Variants in SC5D observed in about 807,000 individuals in gnomAD.
SC5D encodes sterol-C5-desaturase.
Under a neutral mutation model 23.9 loss-of-function variants are expected in SC5D, and 21 were observed. The observed-to-expected ratio is 0.88, with a 90% CI of 0.62 to 1.26. The LOEUF is 1.26. Ranked by LOEUF, SC5D falls within the 50% of genes most tolerant of loss-of-function variation. The pLI is 0.00. For synonymous variants in SC5D, 113 were observed against 125.9 expected, an observed-to-expected ratio of 0.90 and a Z score of 0.68; for missense variants, 309 against 364.8, an observed-to-expected ratio of 0.85 and a Z score of 1.25.
intron 1 of SC5D, among the ~76,000 whole-genome samples, chr11:121,295,665 A>C (rs939496727): frequency 1.3e-5 from 2 of 152,168 alleles, no homozygotes; most frequent in African/African-American, 4.8e-5. Flanking sequence ...TCCCAGCCTG[A>C]CTTTTCTCTT....
Position 121,311,212 on chromosome 11 carries a change from C to T in SC5D, c.*3700C>T, listed in dbSNP as rs1948007675. The stretch of plus-strand genomic sequence containing the variant: ...TTTGTTGAATTTATTAATAAAATGG[C>T]AGAAATGTCATTCTCTTCCATATAT... On this transcript the variant is annotated 3_prime_UTR_variant, in exon 5 of 5. Coordinates refer to ENST00000264027, the MANE Select transcript of SC5D (RefSeq NM_006918.5). 6.6e-6 allele frequency among the ~76,000 whole-genome samples: 1 copy of T among 152,190 alleles called. No individual in the cohort carries two copies. Among genetic ancestry groups the T allele is most frequent in the South Asian group, 2.1e-4 (1 of 4,828 alleles).
chr11:121,306,174 C>T (rs1947962525), intron 3 of SC5D: 2 of 543,070 alleles, frequency 3.7e-6, no homozygotes, highest in Admixed American at 3.1e-5. Flanking sequence ...TTAGGTAGAA[C>T]ATTTCAAGTA....
chr11:121,297,799 A>G (rs1947899782), intron 1 of SC5D, among the ~76,000 whole-genome samples: 1 of 152,228 alleles, frequency 6.6e-6, no homozygotes, highest in African/African-American at 2.4e-5. Context: ...GATGATGGAA[A>G]AAGCTGGCAT....
At chr11:121,304,559 C>A (rs1291020768) in intron 3 of SC5D, 66 bp downstream of exon 3, 6 of 1,353,562 alleles carry the variant, frequency 4.4e-6, no homozygotes, top group Non-Finnish European at 5.2e-6. Context: ...CTTAAAAAAA[C>A]AAGTCTGCCC....
intron 3 of SC5D, chr11:121,306,180 A>C: frequency 1.8e-6 from 1 of 554,584 alleles, no homozygotes; most frequent in East Asian, 3.2e-5. Context: ...AGAACATTTC[A>C]AGTACTTATG....
chr11:121,310,385 A>G lies in SC5D; in HGVS notation c.*2873A>G, dbSNP rs186742359. 9.5e-4 allele frequency among the ~76,000 whole-genome samples: 144 copies of G among 151,756 alleles called. No homozygotes were observed. The Middle Eastern group carries it at 0.021, about 22-fold the overall frequency. ...GGGGCCTTGAGGAAGTGATTAAGTC[A>G]TGAGGGCTCTGGGATTAATGACTTA... On this transcript the variant is annotated 3_prime_UTR_variant, in exon 5 of 5. Coordinates refer to ENST00000264027, the MANE Select transcript of SC5D (RefSeq NM_006918.5).
intron 1 of SC5D, among the ~76,000 whole-genome samples, chr11:121,299,440 G>T (rs969246383): frequency 3.9e-5 from 6 of 152,148 alleles, no homozygotes; most frequent in African/African-American, 1.2e-4. Flanking sequence ...TTTAAAAAGA[G>T]AATACATTGT....
Position 121,303,512 on chromosome 11 carries a change from A to T in SC5D, c.137A>T (p.Tyr46Phe). 1 of 1,613,862 alleles carries T rather than the reference A, an allele frequency of 6.2e-7. No individual in the cohort carries two copies. The highest frequency in any genetic ancestry group is 8.5e-7 in the Non-Finnish European group (1 of 1,179,888). Residue 46 changes from tyrosine (Y) to phenylalanine (F), a missense_variant, in exon 2 of 5, where the codon TAT (tyrosine) becomes TTT (phenylalanine). Coordinates refer to ENST00000264027, the MANE Select transcript of SC5D (RefSeq NM_006918.5). ...IVTNVGAYIL[Y>F]FFCATLSYYF... is the part of the protein sequence containing the mutation. The stretch of plus-strand genomic sequence containing the variant: ...ACAAATGTTGGTGCTTACATCCTTT[A>T]TTTCTTCTGTGCAACACTGAGCTAT...
chr11:121,306,769 G>A, intron 4 of SC5D: 1 of 616,202 alleles, frequency 1.6e-6, no homozygotes, highest in South Asian at 1.9e-5. Flanking sequence ...AGGAGTGAGG[G>A]ATGAGACGCT....
intron 1 of SC5D, among the ~76,000 whole-genome samples, chr11:121,302,087 G>A (rs1947930064): frequency 6.6e-6 from 1 of 152,198 alleles, no homozygotes; most frequent in Admixed American, 6.5e-5. Flanking sequence ...TTAAATCCCT[G>A]TGGGAATTTA....
At position 121,311,784 on chromosome 11, in the gene SC5D, T is replaced by G. The variant is rs1948012700; in HGVS notation, c.*4272T>G. 6.6e-6 allele frequency among the ~76,000 whole-genome samples: 1 copy of G among 152,262 alleles called. No homozygotes were observed. On this transcript the variant is annotated 3_prime_UTR_variant, in exon 5 of 5. Coordinates refer to ENST00000264027, the MANE Select transcript of SC5D (RefSeq NM_006918.5). ...AATAAGTTAGAAGCATTCAGTTAAA[T>G]GTCAACTGAAACTATTGTTCATGTA...
rs1251510225 is a variant in SC5D at position 121,309,307 on chromosome 11, TG to T, written c.*1798del. 6.6e-6 allele frequency among the ~76,000 whole-genome samples: 1 copy of T among 152,222 alleles called. No individual in the cohort carries two copies. The highest frequency in any genetic ancestry group is 1.5e-5 in the Non-Finnish European group (1 of 68,040). On this transcript the variant is annotated 3_prime_UTR_variant, in exon 5 of 5. Coordinates refer to ENST00000264027, the MANE Select transcript of SC5D (RefSeq NM_006918.5). ...GAAAAGTCTGTGTGGAAAATGTTTC[TG>T]GGTCAGGCCTGGAAGTGGTGCATAT...
intron 3 of SC5D, chr11:121,305,689 C>T (rs7930204): frequency 0.51 from 75,938 of 149,616 alleles, 19,711 homozygotes; most frequent in Non-Finnish European, 0.57. Context: ...CCAGCCTGGG[C>T]GACAGAGCGA....
intron 2 of SC5D, chr11:121,304,057 AG>A: frequency 3.0e-6 from 1 of 330,484 alleles, no homozygotes; most frequent in Non-Finnish European, 5.7e-6. Flanking sequence ...AAAAATAGAG[AG>A]GATTGGGGAT....
At chr11:121,299,514 T>G (rs1947912112) in intron 1 of SC5D, among the ~76,000 whole-genome samples, 1 of 152,266 alleles carries the variant, frequency 6.6e-6, no homozygotes, top group Non-Finnish European at 1.5e-5. Flanking sequence ...TTACATAAAT[T>G]GTTAATATAC....
At position 121,304,394 on chromosome 11, in the gene SC5D, C is replaced by T; in HGVS notation, c.244C>T (p.Gln82Ter). ...CCGTCGAGAGATTAAGTTTACTGTC[C>T]AGGCATTGCCATGGATAAGTATTCT... ...QVRREIKFTV[Q>*]ALPWISILTV... Residue 82 changes from glutamine (Q) to a stop codon, truncating the protein, a stop_gained, in exon 3 of 5, where the codon CAG becomes TAG. Coordinates refer to ENST00000264027, the MANE Select transcript of SC5D (RefSeq NM_006918.5). LOFTEE classifies it high-confidence loss of function. 3.7e-6 allele frequency: 6 copies of T among 1,613,010 alleles called. No individual in the cohort carries two copies. Among genetic ancestry groups the T allele is most frequent in the Non-Finnish European group, 4.2e-6 (5 of 1,179,152 alleles).
chr11:121,301,041 A>C (rs546531953), intron 1 of SC5D, among the ~76,000 whole-genome samples: 2 of 152,344 alleles, frequency 1.3e-5, no homozygotes, highest in East Asian at 3.9e-4. Flanking sequence ...TTCAAGAGTT[A>C]CCCCATCATA....
chr11:121,303,629 TAAC>T (rs777872123), intron 2 of SC5D, 44 bp downstream of exon 2: 24 of 1,439,988 alleles, frequency 1.7e-5, no homozygotes, highest in Non-Finnish European at 2.2e-5. Flanking sequence ...AAAGTAAAAA[TAAC>T]AATATGATAT....
At chr11:121,293,729 TAGTA>T (rs1947869101) in intron 1 of SC5D, among the ~76,000 whole-genome samples, 1 of 152,210 alleles carries the variant, frequency 6.6e-6, no homozygotes, top group Admixed American at 6.5e-5. Context: ...GATTGATACC[TAGTA>T]AATAATAACT....
Sources: gnomAD v4.1 joint callset for allele counts (sites outside exome capture counted in the v4.1 genomes callset) on GRCh38, gnomAD v4.1.1 for gene constraint, MANE v1.5 for transcripts, NCBI Gene and HGNC (gene_info 2026-07-23, HGNC 2026-07-21) for gene names.